UNC93A: variants seen among roughly 807,000 people sequenced by gnomAD.
UNC93A encodes unc-93 homolog A, also known as N-acetylglucosamine transporter UNC93A.
Under a neutral mutation model 47.5 loss-of-function variants are expected in UNC93A, and 43 were observed. The ratio of observed to expected loss-of-function variants is 0.91; its 90% CI spans 0.71 to 1.17. The LOEUF (loss-of-function observed/expected upper bound fraction) is 1.17, where lower values mean the gene tolerates loss of function less well. UNC93A is among the 50% of genes most tolerant of loss of function. UNC93A has a pLI of 0.00. For missense variants in UNC93A, 605 were observed against 577.6 expected, an observed-to-expected ratio of 1.05 and a Z score of -0.49; for synonymous variants, 280 against 258.0, an observed-to-expected ratio of 1.09 and a Z score of -0.82.
At chr6:167,301,758 G>A (rs971503420) in intron 4 of UNC93A, among the ~76,000 whole-genome samples, 1 of 152,172 alleles carries the variant, frequency 6.6e-6, no homozygotes, top group Non-Finnish European at 1.5e-5. Flanking sequence ...CCCACAAGAC[G>A]AGATTGTGAA....
chr6:167,298,179 C>A (rs1279631828), intron 4 of UNC93A, 109 bp downstream of exon 4: 4 of 1,466,924 alleles, frequency 2.7e-6, no homozygotes, highest in Non-Finnish European at 2.7e-6. Flanking sequence ...CTCTCTTCTT[C>A]TGAAATATCC....
At chr6:167,291,264 A>G, upstream of UNC93A, 1 of 397,406 alleles carries the variant, frequency 2.5e-6, no homozygotes, top group South Asian at 7.9e-5. Context: ...GAGAAGGTAA[A>G]TGAGTAACAG....
chr6:167,278,925 C>T (rs867960210), intron 1 of UNC93A, among the ~76,000 whole-genome samples: 1 of 152,240 alleles, frequency 6.6e-6, no homozygotes. Context: ...GTGATTAGCA[C>T]AGCTTGCCGT....
chr6:167,295,967 A>G, intron 2 of UNC93A, 65 bp from the exon 3 acceptor site: 1 of 1,473,662 alleles, frequency 6.8e-7, no homozygotes, highest in South Asian at 1.2e-5. Context: ...AAAGAACTGC[A>G]GGGACATGGG....
chr6:167,298,206 T>C (rs1397276769), intron 4 of UNC93A, 136 bp downstream of exon 4: 1 of 1,358,172 alleles, frequency 7.4e-7, no homozygotes, highest in Admixed American at 2.7e-5. Context: ...AATGTATTGG[T>C]CTGGATTATA....
At chr6:167,308,841 C>A (rs566405207) in intron 7 of UNC93A, among the ~76,000 whole-genome samples, 1 of 151,906 alleles carries the variant, frequency 6.6e-6, no homozygotes, top group Non-Finnish European at 1.5e-5. Context: ...GTCCAAGGTG[C>A]GGCCCTGTGG....
intron 4 of UNC93A, among the ~76,000 whole-genome samples, chr6:167,301,292 C>G (rs1023790489): frequency 9.9e-5 from 15 of 152,172 alleles, no homozygotes; most frequent in African/African-American, 3.6e-4. Context: ...TAAGGGAGTC[C>G]AAGTCTAGAA....
At position 167,303,899 on chromosome 6, in the gene UNC93A, C is replaced by G. The variant is rs1468110579; in HGVS notation, c.626-20C>G. 1.2e-6 allele frequency: 2 copies of G among 1,613,124 alleles called. No individual in the cohort carries two copies. Among genetic ancestry groups the G allele is most frequent in the African/African-American group, 1.3e-5 (1 of 74,738 alleles). ...CTCTGGGCCCCCATGAAAGCTGAAG[C>G]CTTTGCTATGTCCTTTCAGGGAGTG... is the stretch of plus-strand genomic sequence containing the variant. On this transcript the variant is annotated intron_variant, in intron 4 of 7. Coordinates refer to ENST00000230256, the MANE Select transcript of UNC93A (RefSeq NM_018974.4).
chr6:167,270,204 T>C (rs1178345118), upstream of UNC93A, among the ~76,000 whole-genome samples: 8 of 152,194 alleles, frequency 5.3e-5, no homozygotes, highest in Admixed American at 3.9e-4. Flanking sequence ...CTAATCATTT[T>C]GCATCTCTCT....
intron 4 of UNC93A, among the ~76,000 whole-genome samples, chr6:167,301,957 C>T (rs554572725): frequency 2.2e-4 from 34 of 152,212 alleles, no homozygotes; most frequent in African/African-American, 7.2e-4. Flanking sequence ...TCAAGGGTGA[C>T]CAAGAAACAC....
rs183084073 is a variant in UNC93A at position 167,280,850 on chromosome 6, C to T, written c.-52+9392C>T. On this transcript the variant is annotated intron_variant, in intron 1 of 3. Transcript: ENST00000503433. ...GTTGGATCAAGGTTGATACTGAAAACGCCCATCAGCAGGCAGGCCCTTAAC... is the reference window on the plus strand; with the variant it reads ...GTTGGATCAAGGTTGATACTGAAAATGCCCATCAGCAGGCAGGCCCTTAAC... Among the ~76,000 whole-genome samples, 10 of 152,214 alleles carry T rather than the reference C, an allele frequency of 6.6e-5. 1 individual carries two copies. The East Asian group carries it at 1.4e-3, about 21-fold the overall frequency.
intron 7 of UNC93A, among the ~76,000 whole-genome samples, chr6:167,312,245 AG>A (rs1178523433): frequency 6.6e-6 from 1 of 150,852 alleles, no homozygotes; most frequent in Admixed American, 6.6e-5. Flanking sequence ...GATACAGGAC[AG>A]GGACAGGCCT....
chr6:167,278,369 G>A lies in UNC93A; in HGVS notation c.-52+6911G>A, dbSNP rs186106173. Reference sequence around the variant, plus strand: ...TGTCCCCAGGGCCCGTGAGGCCAGCGCACGTGAGACTGGTTCATCAGTTAC... The same window carrying A: ...TGTCCCCAGGGCCCGTGAGGCCAGCACACGTGAGACTGGTTCATCAGTTAC... On this transcript the variant is annotated intron_variant, in intron 1 of 3. Coordinates refer to the UNC93A transcript ENST00000503433. Among the ~76,000 whole-genome samples, 70 of 152,250 alleles carry A rather than the reference G, an allele frequency of 4.6e-4. 1 individual carries two copies. Among genetic ancestry groups the A allele is most frequent in the Non-Finnish European group, 4.0e-4 (27 of 68,018 alleles).
chr6:167,307,873 G>A lies in UNC93A; in HGVS notation c.1071G>A (p.Trp357Ter), dbSNP rs368906617. Residue 357 changes from tryptophan to a stop codon, truncating the protein, a stop_gained, in exon 7 of 8, where the codon TGG (tryptophan) becomes TGA (stop). Coordinates refer to ENST00000230256, the MANE Select transcript of UNC93A (RefSeq NM_018974.4). LOFTEE classifies it high-confidence loss of function. ...LAVFFVFSGL[W>*]GVADAVWQTQ... ...TGTTCTTCGTATTCTCTGGCCTGTG[G>A]GGCGTGGCAGATGCCGTCTGGCAGA... 4 of 1,613,896 alleles carry A rather than the reference G, an allele frequency of 2.5e-6. No homozygotes were observed. The African/African-American group carries it at 4.0e-5, about 16-fold the overall frequency.
At position 167,315,660 on chromosome 6, in the gene UNC93A, C is replaced by CA. The variant is rs1193323432; in HGVS notation, c.*209dup. 5.2e-6 allele frequency: 3 copies of CA among 575,322 alleles called. No homozygotes were observed. Among genetic ancestry groups the CA allele is most frequent in the Non-Finnish European group, 8.7e-6 (3 of 345,492 alleles). The allele number at this position is 575,322 out of a possible 1,614,324, so 35.6% of individuals were successfully genotyped here. On this transcript the variant is annotated 3_prime_UTR_variant, in exon 8 of 8. Coordinates refer to ENST00000230256, the MANE Select transcript of UNC93A (RefSeq NM_018974.4). ...CATCTTAACAGAGATCAAGTGTATA[C>CA]ATGAAGGTATCAGTTCATTTAATTT...
chr6:167,291,227 C>G, upstream of UNC93A: 1 of 339,402 alleles, frequency 2.9e-6, no homozygotes, highest in Middle Eastern at 7.7e-4. Context: ...TCTTTTGCCC[C>G]ATACAAAGTG....
At position 167,294,712 on chromosome 6, in the gene UNC93A, A is replaced by G. The variant is rs1583074014; in HGVS notation, c.269+14A>G. 3 of 1,566,118 alleles carry G rather than the reference A, an allele frequency of 1.9e-6. No homozygotes were observed. Among genetic ancestry groups the G allele is most frequent in the Non-Finnish European group, 2.6e-6 (3 of 1,151,492 alleles). On this transcript the variant is annotated intron_variant, in intron 2 of 7. Transcript: ENST00000230256. ...CTTCGCCAGCTGGTACGCAGCCACC[A>G]CCCCCTGCCCACCCCACCCCGGCCG...
rs1468949436 is a variant in UNC93A, at chr6:167,308,071, T to C, written c.1108+161T>C. On this transcript the variant is annotated intron_variant, in intron 7 of 7. Transcript: ENST00000230256. ...GCTTTGATGTCGCCTCTGAGTCTGATGTATTTTCTCTGAGCATTTATTCAG... is the reference window on the plus strand; with the variant it reads ...GCTTTGATGTCGCCTCTGAGTCTGACGTATTTTCTCTGAGCATTTATTCAG... 2.6e-5 allele frequency among the ~76,000 whole-genome samples: 4 copies of C among 152,134 alleles called. No individual in the cohort carries two copies. In the South Asian group the frequency reaches 8.3e-4, roughly 32 times the overall value.
intron 4 of UNC93A, among the ~76,000 whole-genome samples, chr6:167,300,967 T>C (rs1010747163): frequency 1.3e-5 from 2 of 152,266 alleles, no homozygotes; most frequent in African/African-American, 4.8e-5. Flanking sequence ...GAGGATCATA[T>C]GGTCCTTGTT....
Sources: allele counts gnomAD v4.1 joint callset (sites outside exome capture counted in the v4.1 genomes callset), GRCh38; gene constraint gnomAD v4.1.1; transcripts MANE v1.5; gene names NCBI Gene and HGNC (gene_info 2026-07-23, HGNC 2026-07-21).